Variants in MIEF1 observed in about 807,000 individuals in gnomAD.
MIEF1 encodes mitochondrial elongation factor 1, also known as mitochondrial dynamics protein MIEF1.
A neutral mutation model predicts 35.1 loss-of-function variants in MIEF1; 14 were observed. That is an observed-to-expected ratio of 0.40 (90% confidence interval 0.26 to 0.62). MIEF1 has a LOEUF of 0.62. MIEF1 is among the 20% of genes least tolerant of loss of function. MIEF1 has a pLI of 0.43. For missense variants in MIEF1, 542 were observed against 615.4 expected (o/e 0.88, Z 1.26); for synonymous variants, 245 against 254.3 (o/e 0.96, Z 0.35).
intron 2 of MIEF1, among the ~76,000 whole-genome samples, chr22:39,508,639 C>T (rs1281535641): frequency 1.3e-5 from 2 of 152,168 alleles, no homozygotes; most frequent in African/African-American, 4.8e-5. Flanking sequence ...CCTGATTCCA[C>T]CTGTAAATAC....
At position 39,514,937 on chromosome 22, in the gene MIEF1, C is replaced by T. The variant is rs1930579705; in HGVS notation, c.*614C>T. ...TAGAAGTCCATCCTCCCCCCAACCT[C>T]CTGACCCATTCATAAATGCTGAGAA... On this transcript the variant is annotated 3_prime_UTR_variant, in exon 6 of 6. Transcript: ENST00000325301. The T allele has an allele frequency of 5.6e-6, 2 of 358,854 alleles. No homozygotes were observed. The highest frequency in any genetic ancestry group is 1.0e-5 in the Non-Finnish European group (2 of 196,600). 22.2% of individuals were successfully genotyped at this position (358,854 alleles called of 1,614,324 possible).
Position 39,513,725 on chromosome 22 carries a change from C to T in MIEF1, c.794C>T (p.Thr265Ile). 6.2e-7 allele frequency: 1 copy of T among 1,614,188 alleles called. No individual in the cohort carries two copies. Among genetic ancestry groups the T allele is most frequent in the Non-Finnish European group, 8.5e-7 (1 of 1,180,036 alleles). Residue 265 changes from threonine (T) to isoleucine (I), a missense_variant, in exon 6 of 6, where the codon ACA becomes ATA. Transcript: ENST00000325301. Reference sequence around the variant, plus strand: ...CTCTCTCCAAAGACAGTCGCAGATACATTTGAGAAGGTAGTGGCTGGCTCC... The same window carrying T: ...CTCTCTCCAAAGACAGTCGCAGATATATTTGAGAAGGTAGTGGCTGGCTCC... Reference protein sequence around the residue: ...GYLSPKTVADTFEKVVAGSIN... With the variant: ...GYLSPKTVADIFEKVVAGSIN...
At position 39,511,419 on chromosome 22, in the gene MIEF1, C is replaced by G. The variant is rs373075072; in HGVS notation, c.125C>G (p.Ala42Gly). ...GVGGAAMLGI[A>G]TLAVKRMYDR... ...GGTGGAGCGGCCATGCTGGGCATCG[C>G]CACGCTGGCAGTTAAGCGGGTAAGT... The change falls in exon 3 of 6, where the codon GCC (alanine) becomes GGC (glycine). Residue 42 changes from alanine to glycine, a missense_variant. Transcript: ENST00000325301. 1.9e-6 allele frequency: 3 copies of G among 1,587,570 alleles called. No individual in the cohort carries two copies. Among genetic ancestry groups the G allele is most frequent in the Non-Finnish European group, 2.6e-6 (3 of 1,165,016 alleles).
chr22:39,506,119 A>G (rs1930001442), intron 2 of MIEF1, among the ~76,000 whole-genome samples: 1 of 152,026 alleles, frequency 6.6e-6, no homozygotes, highest in Non-Finnish European at 1.5e-5. Context: ...TTGTGTTCCT[A>G]ATATATTTTG....
intron 3 of MIEF1, 134 bp from the exon 4 acceptor site, chr22:39,511,715 G>A: frequency 1.6e-6 from 2 of 1,254,986 alleles, no homozygotes; most frequent in Non-Finnish European, 2.2e-6. Context: ...GTGGAGCAAA[G>A]TATTCTATAA....
intron 1 of MIEF1, among the ~76,000 whole-genome samples, chr22:39,502,767 C>G (rs1244667543): frequency 1.3e-5 from 2 of 152,256 alleles, no homozygotes; most frequent in Non-Finnish European, 2.9e-5. Flanking sequence ...GTAGTTACAG[C>G]CCTCGCCGTG....
At position 39,517,219 on chromosome 22, in the gene MIEF1, G is replaced by T; in HGVS notation, c.*2896G>T. 1 of 172,596 alleles carries T rather than the reference G, an allele frequency of 5.8e-6. No homozygotes were observed. Among genetic ancestry groups the T allele is most frequent in the South Asian group, 1.1e-4 (1 of 8,994 alleles). 10.7% of individuals were successfully genotyped at this position (172,596 alleles called of 1,614,324 possible). ...TCAAGGTTAGCAAACTTTATACGTA[G>T]CCTAACACTTAAAAAATGCACTCAT... On this transcript the variant is annotated 3_prime_UTR_variant, in exon 6 of 6. Coordinates refer to ENST00000325301, the MANE Select transcript of MIEF1 (RefSeq NM_019008.6).
At chr22:39,502,842 G>A (rs1012342254) in intron 1 of MIEF1, among the ~76,000 whole-genome samples, 4 of 152,246 alleles carry the variant, frequency 2.6e-5, no homozygotes, top group African/African-American at 9.6e-5. Context: ...CCTTAGGGCC[G>A]AGGGATCTCT....
intron 3 of MIEF1, 140 bp from the exon 4 acceptor site, chr22:39,511,709 A>G: frequency 8.2e-7 from 1 of 1,224,802 alleles, no homozygotes; most frequent in South Asian, 1.6e-5. Flanking sequence ...TTCTGCGTGG[A>G]GCAAAGTATT....
chr22:39,500,407 C>T (rs1929649698), upstream of MIEF1: 1 of 151,492 alleles, frequency 6.6e-6, no homozygotes, highest in Non-Finnish European at 1.5e-5. Context: ...AAGGGGAGAC[C>T]CCTCCAAATG....
chr22:39,502,736 G>A (rs1442836466), intron 1 of MIEF1, among the ~76,000 whole-genome samples: 1 of 152,230 alleles, frequency 6.6e-6, no homozygotes, highest in African/African-American at 2.4e-5. Flanking sequence ...GGGCTCAGCC[G>A]CCCAGTCGCC....
chr22:39,510,266 T>C (rs536520216), intron 2 of MIEF1, among the ~76,000 whole-genome samples: 2 of 152,082 alleles, frequency 1.3e-5, no homozygotes, highest in African/African-American at 4.8e-5. Flanking sequence ...CCCATTTTGT[T>C]TTTTTATTTT....
rs545329361 is a variant in MIEF1, at chr22:39,504,558, G to A, written c.-8+24G>A. 10 of 397,440 alleles carry A rather than the reference G, an allele frequency of 2.5e-5. No homozygotes were observed. The South Asian group carries it at 1.4e-3, about 57-fold the overall frequency. The allele number at this position is 397,440 out of a possible 1,614,324, so 24.6% of individuals were successfully genotyped here. A position where few individuals can be genotyped will look rare whatever the true frequency, so the allele number is the denominator to read the frequency against. On this transcript the variant is annotated intron_variant, in intron 2 of 5. Coordinates refer to ENST00000325301, the MANE Select transcript of MIEF1 (RefSeq NM_019008.6). ...AGGTACGTAGGCCCTCGTTCCTGTA[G>A]GTTTCCTTATTTTTTGTTGCAAGGG...
At chr22:39,510,124 A>G (rs995668225) in intron 2 of MIEF1, among the ~76,000 whole-genome samples, 7 of 151,760 alleles carry the variant, frequency 4.6e-5, no homozygotes, top group African/African-American at 1.7e-4. Context: ...ACATCTGGCT[A>G]ATTTTATATT....
rs534211476 is a variant in MIEF1, at chr22:39,515,535, C to G, written c.*1212C>G. On this transcript the variant is annotated 3_prime_UTR_variant, in exon 6 of 6. Coordinates refer to ENST00000325301, the MANE Select transcript of MIEF1 (RefSeq NM_019008.6). ...CCCCTGTCCTGTTTCTCACCCAGCA[C>G]CTGGGGAGATCGGTGCTACCAAGGA... 5.1e-6 allele frequency: 3 copies of G among 591,882 alleles called. No individual in the cohort carries two copies. The highest frequency in any genetic ancestry group is 2.8e-5 in the East Asian group (1 of 35,508). 36.7% of individuals were successfully genotyped at this position (591,882 alleles called of 1,614,324 possible).
At chr22:39,511,766 C>G in intron 3 of MIEF1, 83 bp from the exon 4 acceptor site, 1 of 1,487,880 alleles carries the variant, frequency 6.7e-7, no homozygotes, top group Admixed American at 2.2e-5. Flanking sequence ...CTTACTAGGA[C>G]AGAGCTTCTG....
At position 39,514,167 on chromosome 22, in the gene MIEF1, G is replaced by C. The variant is rs775912326; in HGVS notation, c.1236G>C (p.Leu412Phe). The C allele has an allele frequency of 6.2e-7, 1 of 1,614,236 alleles. No individual in the cohort carries two copies. Among genetic ancestry groups the C allele is most frequent in the Non-Finnish European group, 8.5e-7 (1 of 1,180,042 alleles). The change falls in exon 6 of 6, where the codon TTG becomes TTC. Residue 412 changes from leucine to phenylalanine, a missense_variant. Coordinates refer to ENST00000325301, the MANE Select transcript of MIEF1 (RefSeq NM_019008.6). ...TGGCCGACCGTTTCCTGCAGGCCTT[G>C]AGGGGACTTATCAGCTACTTAGAGG... ...DMLADRFLQA[L>F]RGLISYLEAG...
upstream of MIEF1, among the ~76,000 whole-genome samples, chr22:39,500,733 C>A (rs958170313): frequency 6.6e-6 from 1 of 151,570 alleles, no homozygotes; most frequent in Non-Finnish European, 1.5e-5. Flanking sequence ...CTTGTTCTGT[C>A]GCCCAGGCTG....
upstream of MIEF1, among the ~76,000 whole-genome samples, chr22:39,501,275 C>G (rs1405453949): frequency 6.6e-6 from 1 of 152,166 alleles, no homozygotes; most frequent in African/African-American, 2.4e-5. Context: ...TGGGGGGAGG[C>G]CTGAAATGCT....
Sources: gnomAD v4.1 joint callset for allele counts (sites outside exome capture counted in the v4.1 genomes callset) on GRCh38, gnomAD v4.1.1 for gene constraint, MANE v1.5 for transcripts, NCBI Gene and HGNC (gene_info 2026-07-23, HGNC 2026-07-21) for gene names.